The following ETAA1 variants were observed in gnomAD, a reference collection of about 807,000 sequenced individuals.
ETAA1 encodes ewing's tumor-associated antigen 1.
ETAA1 carries 49 observed loss-of-function variants against 76.8 expected under a neutral mutation model. The ratio of observed to expected loss-of-function variants is 0.64; its 90% CI spans 0.51 to 0.81. The LOEUF (loss-of-function observed/expected upper bound fraction) is 0.81. Ranked by LOEUF, ETAA1 falls within the 30% of genes least tolerant of loss-of-function variation. ETAA1 has a pLI of 0.00. For synonymous variants in ETAA1, 373 were observed against 372.2 expected (o/e 1.00, Z -0.03); for missense variants, 1,099 against 1,074.0 (o/e 1.02, Z -0.32).
chr2:67,399,181 C>T lies in ETAA1; in HGVS notation c.236C>T (p.Thr79Ile), dbSNP rs1375376742. 1.9e-6 allele frequency: 3 copies of T among 1,611,610 alleles called. No homozygotes were observed. The highest frequency in any genetic ancestry group is 1.7e-6 in the Non-Finnish European group (2 of 1,178,978). Residue 79 changes from threonine (T) to isoleucine (I), a missense_variant, in exon 2 of 6, where the codon ACA becomes ATA. Physicochemically the swap from Thr to Ile is moderately conservative, Grantham distance 89. This residue lies in a region of ETAA1 where 761 missense variants were observed against 731.9 expected (regional missense o/e 1.04). Transcript: ENST00000272342. ...SKSNPEERYE[T>I]PKRALKMDSL... ...ATATTTTATATAGAAAGGTATGAAACACCAAAGAGAGCGCTGAAAATGGAC... is the reference window on the plus strand; with the variant it reads ...ATATTTTATATAGAAAGGTATGAAATACCAAAGAGAGCGCTGAAAATGGAC...
At chr2:67,409,567 A>G (rs566885506) in intron 5 of ETAA1, among the ~76,000 whole-genome samples, 16 of 152,060 alleles carry the variant, frequency 1.1e-4, no homozygotes, top group African/African-American at 2.6e-4. Flanking sequence ...TTAAATCCCA[A>G]TGTATCCTTT....
At chr2:67,409,187 C>T (rs1392126847) in intron 5 of ETAA1, among the ~76,000 whole-genome samples, 1 of 151,886 alleles carries the variant, frequency 6.6e-6, no homozygotes, top group Non-Finnish European at 1.5e-5. Context: ...AAATGATATA[C>T]TTAAATATGT....
At chr2:67,406,287 C>G (rs1306759026) in intron 5 of ETAA1, among the ~76,000 whole-genome samples, 1 of 152,120 alleles carries the variant, frequency 6.6e-6, no homozygotes, top group African/African-American at 2.4e-5. Context: ...CCGTGCTCTT[C>G]CCTTTGACTA....
chr2:67,403,291 A>C lies in ETAA1; in HGVS notation c.609A>C (p.Glu203Asp), dbSNP rs1247062818. ...CTAAACAATTTGATAAAAATATGGA[A>C]GAGCTAGATGTGATTCAAGAGCAAA... is the stretch of plus-strand genomic sequence containing the variant. ...KLAKQFDKNM[E>D]ELDVIQEQNK... The change falls in exon 5 of 6, where the codon GAA (glutamate) becomes GAC (aspartate). Residue 203 changes from glutamate to aspartate, a missense_variant. This residue lies in a region of ETAA1 where 761 missense variants were observed against 731.9 expected (regional missense o/e 1.04). Transcript: ENST00000272342. 2 of 1,596,272 alleles carry C rather than the reference A, an allele frequency of 1.3e-6. No individual in the cohort carries two copies. The highest frequency in any genetic ancestry group is 1.7e-6 in the Non-Finnish European group (2 of 1,174,130).
At position 67,402,845 on chromosome 2, in the gene ETAA1, T is replaced by A. The variant is rs1676093065; in HGVS notation, c.430-17T>A. 4.5e-6 allele frequency: 7 copies of A among 1,561,728 alleles called. No individual in the cohort carries two copies. In the East Asian group the frequency reaches 1.6e-4, roughly 37 times the overall value. On this transcript the variant is annotated splice_polypyrimidine_tract_variant and intron_variant, in intron 3 of 5. Coordinates refer to ENST00000272342, the MANE Select transcript of ETAA1 (RefSeq NM_019002.4). ...ACACTGGTACTTTATACCTCTTTTT[T>A]TCCCTATCTGCCAAAGGATGAAAAA...
Position 67,399,623 on chromosome 2 carries a change from T to G in ETAA1, c.426T>G (p.Pro142=). Residue 142 remains proline, a synonymous_variant, in exon 3 of 6, where the codon CCT becomes CCG. Transcript: ENST00000272342. ...CACATATTGTTAATCGTATTGCTCC[T>G]CAGGTAAATATCACTAGTTTTACAG... The part of the protein sequence containing the change: ...EISHIVNRIA[P]QDEKPTTNSM... 1 of 1,597,392 alleles carries G rather than the reference T, an allele frequency of 6.3e-7. No homozygotes were observed. The highest frequency in any genetic ancestry group is 8.6e-7 in the Non-Finnish European group (1 of 1,167,664).
In ETAA1 at chr2:67,397,598, G is replaced by A. The variant is rs1675911837; in HGVS notation, c.150G>A (p.Glu50=). Residue 50 remains glutamate, a synonymous_variant, in exon 1 of 6, where the codon GAG becomes GAA. Coordinates refer to ENST00000272342, the MANE Select transcript of ETAA1 (RefSeq NM_019002.4). ...ARGSWPCGAR[E]GPPGPVRQRE... ...GTTCGTGGCCCTGCGGGGCTAGAGA[G>A]GGGCCTCCCGGGCCAGTGCGGCAGC... 1 of 1,551,334 alleles carries A rather than the reference G, an allele frequency of 6.4e-7. No homozygotes were observed. Among genetic ancestry groups the A allele is most frequent in the African/African-American group, 1.4e-5 (1 of 73,148 alleles).
chr2:67,404,389 T>C lies in ETAA1; in HGVS notation c.1707T>C (p.Ser569=). The C allele has an allele frequency of 6.2e-7, 1 of 1,613,354 alleles. No homozygotes were observed. The highest frequency in any genetic ancestry group is 8.5e-7 in the Non-Finnish European group (1 of 1,179,490). ...KTSVSNPNQT[S]ASKVGSFFDD... ...GTGTTAGTAACCCAAATCAGACTAG[T>C]GCATCAAAAGTAGGTTCTTTCTTTG... The change falls in exon 5 of 6, where the codon AGT becomes AGC. Residue 569 remains serine, a synonymous_variant. Coordinates refer to ENST00000272342, the MANE Select transcript of ETAA1 (RefSeq NM_019002.4).
In ETAA1 at chr2:67,397,476, A is replaced by G. The variant is rs1675904140; in HGVS notation, c.28A>G (p.Ser10Gly). 16 of 1,602,310 alleles carry G rather than the reference A, an allele frequency of 1.0e-5. No homozygotes were observed. The highest frequency in any genetic ancestry group is 1.4e-5 in the Non-Finnish European group (16 of 1,174,400). The change falls in exon 1 of 6, where the codon AGC (serine) becomes GGC (glycine). Residue 10 changes from serine to glycine, a missense_variant. Physicochemically the swap from Ser to Gly is moderately conservative, Grantham distance 56. Transcript: ENST00000272342. MSRRRKHDD[S>G]PSPKKTPHKT... ...GAGTCGGCGAAGGAAACATGATGACAGCCCTAGCCCGAAGAAAACGCCGCA... is the reference window on the plus strand; with the variant it reads ...GAGTCGGCGAAGGAAACATGATGACGGCCCTAGCCCGAAGAAAACGCCGCA...
chr2:67,405,290 C>A lies in ETAA1; in HGVS notation c.2608C>A (p.Gln870Lys). The A allele has an allele frequency of 6.4e-7, 1 of 1,563,802 alleles. No individual in the cohort carries two copies. The highest frequency in any genetic ancestry group is 8.6e-7 in the Non-Finnish European group (1 of 1,158,574). Residue 870 changes from glutamine to lysine, a missense_variant, in exon 5 of 6, where the codon CAA becomes AAA. Transcript: ENST00000272342. Reference protein sequence around the residue: ...NPLLEEAVGQQSLVKLSESLK... With the variant: ...NPLLEEAVGQKSLVKLSESLK... ...ATTACTGGAGGAAGCTGTTGGACAG[C>A]AATCTTTGGTGAAACTTTCTGAATC...
intron 3 of ETAA1, among the ~76,000 whole-genome samples, chr2:67,399,913 TACG>T (rs67276541): frequency 0.62 from 94,346 of 151,236 alleles, 29,578 homozygotes; most frequent in African/African-American, 0.67. Context: ...CTTAACAACA[TACG>T]ACATCATTTT....
At position 67,402,989 on chromosome 2, in the gene ETAA1, T is replaced by C. The variant is rs1676097541; in HGVS notation, c.542+15T>C. On this transcript the variant is annotated intron_variant, in intron 4 of 5. Transcript: ENST00000272342. ...AGCTGCACAAAGTAAGTTAAGACTTTTCAGCTTTTCTGAAATTCAGTGAAG... is the reference window on the plus strand; with the variant it reads ...AGCTGCACAAAGTAAGTTAAGACTTCTCAGCTTTTCTGAAATTCAGTGAAG... 1.3e-6 allele frequency: 2 copies of C among 1,569,052 alleles called. No homozygotes were observed. The highest frequency in any genetic ancestry group is 1.7e-6 in the Non-Finnish European group (2 of 1,161,802).
rs1343399862 is a variant in ETAA1 at position 67,403,882 on chromosome 2, T to C, written c.1200T>C (p.Pro400=). 8.7e-6 allele frequency: 14 copies of C among 1,613,132 alleles called. No individual in the cohort carries two copies. The highest frequency in any genetic ancestry group is 1.2e-5 in the Non-Finnish European group (14 of 1,179,482). Residue 400 remains proline (P), a synonymous_variant, in exon 5 of 6, where the codon CCT becomes CCC. Coordinates refer to ENST00000272342, the MANE Select transcript of ETAA1 (RefSeq NM_019002.4). The part of the protein sequence containing the change: ...EPFAMQNIDM[P]ELFPSKTAHV... Reference sequence around the variant, plus strand: ...TTGCTATGCAAAATATCGACATGCCTGAACTCTTTCCTTCTAAAACAGCCC... The same window carrying C: ...TTGCTATGCAAAATATCGACATGCCCGAACTCTTTCCTTCTAAAACAGCCC...
rs549604714 is a variant in ETAA1 at position 67,405,194 on chromosome 2, A to T, written c.2512A>T (p.Asn838Tyr). The change falls in exon 5 of 6, where the codon AAT (asparagine) becomes TAT (tyrosine). Residue 838 changes from asparagine to tyrosine, a missense_variant. Coordinates refer to ENST00000272342, the MANE Select transcript of ETAA1 (RefSeq NM_019002.4). ...TCAGATTCTTTCTCAGTTTAATCAA[A>T]ATTGTATAACTGGAAGTATGTCTGA... ...NSQILSQFNQ[N>Y]CITGSMSDTK... is the part of the protein sequence containing the mutation. The T allele has an allele frequency of 5.7e-4, 926 of 1,612,648 alleles. 16 individuals carry two copies. The South Asian group carries it at 9.7e-3, about 17-fold the overall frequency.
chr2:67,410,058 C>G lies in ETAA1; in HGVS notation c.*20C>G. 2 of 1,594,044 alleles carry G rather than the reference C, an allele frequency of 1.3e-6. No homozygotes were observed. The highest frequency in any genetic ancestry group is 1.2e-5 in the South Asian group (1 of 86,362). Reference sequence around the variant, plus strand: ...CTTTAATGAAATATTAGTTGGAAGACTTCACGAAGACTGCTGATAACTATC... The same window carrying G: ...CTTTAATGAAATATTAGTTGGAAGAGTTCACGAAGACTGCTGATAACTATC... On this transcript the variant is annotated 3_prime_UTR_variant, in exon 6 of 6. Coordinates refer to ENST00000272342, the MANE Select transcript of ETAA1 (RefSeq NM_019002.4).
At position 67,410,076 on chromosome 2, in the gene ETAA1, T is replaced by TAAC; in HGVS notation, c.*39_*41dup. 1 of 1,569,186 alleles carries TAAC rather than the reference T, an allele frequency of 6.4e-7. No homozygotes were observed. Among genetic ancestry groups the TAAC allele is most frequent in the East Asian group, 2.3e-5 (1 of 43,696 alleles). On this transcript the variant is annotated 3_prime_UTR_variant, in exon 6 of 6. Transcript: ENST00000272342. ...TGGAAGACTTCACGAAGACTGCTGATAACTATCTGTGATTGATAGGAAATT... is the reference window on the plus strand; with the variant it reads ...TGGAAGACTTCACGAAGACTGCTGATAACAACTATCTGTGATTGATAGGAAATT...
At chr2:67,409,031 A>G (rs574451787) in intron 5 of ETAA1, among the ~76,000 whole-genome samples, 1 of 152,198 alleles carries the variant, frequency 6.6e-6, no homozygotes, top group Admixed American at 6.5e-5. Flanking sequence ...TATTTAAAAT[A>G]TGTATTTCTT....
chr2:67,399,103 G>A, intron 1 of ETAA1, 66 bp from the exon 2 acceptor site: 1 of 1,424,812 alleles, frequency 7.0e-7, no homozygotes, highest in Non-Finnish European at 9.6e-7. Flanking sequence ...TTTGACCTTG[G>A]GGTCTTACGA....
At position 67,403,318 on chromosome 2, in the gene ETAA1, CAA is replaced by C. The variant is rs773069199; in HGVS notation, c.637_638del (p.Lys213GlufsTer4). ...AGCTAGATGTGATTCAAGAGCAAAACAAGAGGAATTATGATTTTACCCAGATG... is the reference window on the plus strand; with the variant it reads ...AGCTAGATGTGATTCAAGAGCAAAACGAGGAATTATGATTTTACCCAGATG... Reference protein sequence around the residue: ...EELDVIQEQNKRNYDFTQMIS... With the variant: ...EELDVIQEQNXRNYDFTQMIS... On this transcript the variant is annotated frameshift_variant, in exon 5 of 6. Transcript: ENST00000272342. LOFTEE classifies it high-confidence loss of function. The C allele has an allele frequency of 1.4e-5, 23 of 1,606,168 alleles. No individual in the cohort carries two copies. The highest frequency in any genetic ancestry group is 2.2e-5 in the East Asian group (1 of 44,798).
Sources: gnomAD v4.1 joint callset for allele counts (sites outside exome capture counted in the v4.1 genomes callset) on GRCh38, gnomAD v4.1.1 for gene constraint, gnomAD v4.1.1 regional missense constraint, MANE v1.5 for transcripts, NCBI Gene and HGNC (gene_info 2026-07-23, HGNC 2026-07-21) for gene names.